Variants in CLEC2A observed in about 807,000 individuals in gnomAD.
CLEC2A encodes the protein keratinocyte-associated C-type lectin.
A neutral mutation model predicts 18.6 loss-of-function variants in CLEC2A; 19 were observed. The observed-to-expected ratio is 1.02, with a 90% CI of 0.71 to 1.50. CLEC2A has a LOEUF of 1.50. CLEC2A is among the 40% of genes most tolerant of loss of function. CLEC2A has a pLI of 0.00. For synonymous variants in CLEC2A, 74 were observed against 64.0 expected, an observed-to-expected ratio of 1.16 and a Z score of -0.75; for missense variants, 190 against 207.9, an observed-to-expected ratio of 0.91 and a Z score of 0.53.
chr12:9,878,915 C>A, the CLEC2A span, among the ~76,000 whole-genome samples: 1 of 152,066 alleles, frequency 6.6e-6, no homozygotes, highest in Non-Finnish European at 1.5e-5. Context: ...ATGGAGAATG[C>A]TTTTGTGAGG....
chr12:9,887,623 T>G, the CLEC2A span, among the ~76,000 whole-genome samples: 6 of 152,156 alleles, frequency 3.9e-5, no homozygotes, highest in African/African-American at 1.4e-4. Context: ...AATTAACAAC[T>G]GTTCTGTTTT....
intron 4 of CLEC2A, among the ~76,000 whole-genome samples, chr12:9,903,843 A>G (rs895042065): frequency 1.3e-5 from 2 of 152,160 alleles, no homozygotes; most frequent in African/African-American, 4.8e-5. Context: ...TCCTCTCGGG[A>G]CTCCAATGGC....
At chr12:9,902,501 G>A (rs1410362660) in intron 4 of CLEC2A, among the ~76,000 whole-genome samples, 2 of 151,996 alleles carry the variant, frequency 1.3e-5, no homozygotes, top group African/African-American at 4.8e-5. Flanking sequence ...CCAAAGTGCT[G>A]GGATTATAGA....
At chr12:9,881,739 T>G in the CLEC2A span, 1 of 1,052,908 alleles carries the variant, frequency 9.5e-7, no homozygotes, top group East Asian at 2.6e-5. Context: ...CTTAGAATAT[T>G]TTTAACATCT....
At chr12:9,890,534 C>T in the CLEC2A span, among the ~76,000 whole-genome samples, 11 of 152,176 alleles carry the variant, frequency 7.2e-5, no homozygotes, top group Non-Finnish European at 1.2e-4. Context: ...GCATTTACCA[C>T]GTGTCACTCT....
downstream of CLEC2A, among the ~76,000 whole-genome samples, chr12:9,894,837 A>G (rs1313969887): frequency 6.6e-6 from 1 of 152,014 alleles, no homozygotes; most frequent in Non-Finnish European, 1.5e-5. Context: ...AGTAAGATTT[A>G]TTACTAATTT....
downstream of CLEC2A, among the ~76,000 whole-genome samples, chr12:9,895,463 G>A (rs1480351116): frequency 2.0e-5 from 3 of 152,186 alleles, no homozygotes; most frequent in East Asian, 3.8e-4. Context: ...TGAGAGGTAA[G>A]GAAGAAGCTG....
chr12:9,920,423 G>A (rs1178981757), intron 3 of CLEC2A, among the ~76,000 whole-genome samples: 1 of 152,152 alleles, frequency 6.6e-6, no homozygotes, highest in Non-Finnish European at 1.5e-5. Flanking sequence ...CTCCTGACCC[G>A]AGGGTTGCAA....
the CLEC2A span, among the ~76,000 whole-genome samples, chr12:9,886,898 TGA>T: frequency 6.6e-6 from 1 of 151,248 alleles, no homozygotes; most frequent in Admixed American, 6.6e-5. Context: ...GGTTTTGGAG[TGA>T]GAGAGGGGAG....
intron 4 of CLEC2A, among the ~76,000 whole-genome samples, chr12:9,916,404 T>C (rs1480153996): frequency 6.6e-6 from 1 of 152,046 alleles, no homozygotes; most frequent in Non-Finnish European, 1.5e-5. Context: ...ATGATTAAAT[T>C]TGAATTAGCA....
chr12:9,924,615 A>G (rs1369358572), intron 2 of CLEC2A, among the ~76,000 whole-genome samples: 1 of 152,206 alleles, frequency 6.6e-6, no homozygotes, highest in Admixed American at 6.5e-5. Flanking sequence ...CTTTTTCACA[A>G]AATAAACCCA....
chr12:9,902,495 A>G (rs1862845347), intron 4 of CLEC2A, among the ~76,000 whole-genome samples: 1 of 152,000 alleles, frequency 6.6e-6, no homozygotes, highest in South Asian at 2.1e-4. Flanking sequence ...GGCCTCCCAA[A>G]GTGCTGGGAT....
intron 4 of CLEC2A, among the ~76,000 whole-genome samples, chr12:9,904,602 G>C (rs1862881172): frequency 1.3e-5 from 2 of 152,104 alleles, no homozygotes; most frequent in African/African-American, 2.4e-5. Context: ...TCCAGACTCT[G>C]GGTCTGGATT....
chr12:9,879,054 G>A, the CLEC2A span, among the ~76,000 whole-genome samples: 2 of 152,036 alleles, frequency 1.3e-5, no homozygotes, highest in African/African-American at 2.4e-5. Context: ...AGGGGTTGCA[G>A]TTGCCACAAT....
downstream of CLEC2A, among the ~76,000 whole-genome samples, chr12:9,910,869 C>T (rs113958216): frequency 1.5e-3 from 226 of 152,192 alleles, no homozygotes; most frequent in African/African-American, 5.3e-3. Flanking sequence ...GATCTGGGAC[C>T]CTTCCCCAGA....
At chr12:9,928,858 G>T (rs1184185285) in intron 1 of CLEC2A, among the ~76,000 whole-genome samples, 2 of 152,152 alleles carry the variant, frequency 1.3e-5, no homozygotes, top group Admixed American at 1.3e-4. Context: ...GTGTTAGCAG[G>T]ATATAGGGGA....
At chr12:9,905,954 C>T (rs1181174822) in intron 4 of CLEC2A, among the ~76,000 whole-genome samples, 2 of 151,386 alleles carry the variant, frequency 1.3e-5, no homozygotes, top group African/African-American at 4.9e-5. Context: ...AACTTGAACA[C>T]TTTGAAATGG....
downstream of CLEC2A, among the ~76,000 whole-genome samples, chr12:9,911,518 A>G (rs1051413634): frequency 3.3e-5 from 5 of 152,248 alleles, no homozygotes; most frequent in African/African-American, 1.2e-4. Flanking sequence ...ACCTTAAAAC[A>G]TTTAGCAAAC....
downstream of CLEC2A, among the ~76,000 whole-genome samples, chr12:9,910,765 T>C (rs970331843): frequency 6.6e-6 from 1 of 151,900 alleles, no homozygotes; most frequent in Admixed American, 6.6e-5. Flanking sequence ...TTGCTGAGAG[T>C]GTGGGTTTAT....
Sources: gnomAD v4.1 joint callset for allele counts (sites outside exome capture counted in the v4.1 genomes callset) on GRCh38, gnomAD v4.1.1 for gene constraint, MANE v1.5 for transcripts, NCBI Gene and HGNC (gene_info 2026-07-23, HGNC 2026-07-21) for gene names.